LHX4: variants seen among roughly 807,000 people sequenced by gnomAD.
LHX4 encodes the protein LIM/homeobox protein Lhx4.
A neutral mutation model predicts 39.2 loss-of-function variants in LHX4; 16 were observed. That is an observed-to-expected ratio of 0.41 (90% CI 0.28 to 0.62). The LOEUF (loss-of-function observed/expected upper bound fraction) is 0.62. Ranked by LOEUF, LHX4 falls within the 20% of genes least tolerant of loss-of-function variation. The pLI is 0.33. For missense variants in LHX4, 439 were observed against 511.9 expected (o/e 0.86, Z 1.37); for synonymous variants, 206 against 198.1 (o/e 1.04, Z -0.33).
chr1:180,250,126 A>G (rs528587042), intron 2 of LHX4, among the ~76,000 whole-genome samples: 16 of 152,108 alleles, frequency 1.1e-4, no homozygotes, highest in African/African-American at 3.1e-4. Context: ...CTTTCTCACA[A>G]TCTTCCTGTT....
At position 180,250,520 on chromosome 1, in the gene LHX4, G is replaced by C. The variant is rs980875122; in HGVS notation, c.248+2064G>C. Among the ~76,000 whole-genome samples the C allele has an allele frequency of 2.0e-5, 3 of 152,144 alleles. No individual in the cohort carries two copies. The South Asian group carries it at 6.2e-4, about 32-fold the overall frequency. ...GCCTGCACCTTTGGAAAGCCAAGAG[G>C]CCACGCCTCCGCTTGCCCGTCTCGG... On this transcript the variant is annotated intron_variant, in intron 2 of 5. Transcript: ENST00000263726.
At position 180,249,366 on chromosome 1, in the gene LHX4, T is replaced by C. The variant is rs547042502; in HGVS notation, c.248+910T>C. Among the ~76,000 whole-genome samples, 6 of 152,318 alleles carry C rather than the reference T, an allele frequency of 3.9e-5. No homozygotes were observed. The South Asian group carries it at 1.0e-3, about 26-fold the overall frequency. On this transcript the variant is annotated intron_variant, in intron 2 of 5. Coordinates refer to ENST00000263726, the MANE Select transcript of LHX4 (RefSeq NM_033343.4). ...CATGGCATTTAGTCCTTGACTTCTC[T>C]CCCAGAATCTATTACCCAAGGCAGT...
chr1:180,236,927 C>T (rs1369693795), intron 1 of LHX4, among the ~76,000 whole-genome samples: 1 of 152,186 alleles, frequency 6.6e-6, no homozygotes, highest in Non-Finnish European at 1.5e-5. Context: ...AGAGGGCTGG[C>T]TGGGGTGCCG....
chr1:180,244,329 C>G (rs556785620), intron 1 of LHX4, among the ~76,000 whole-genome samples: 1 of 152,164 alleles, frequency 6.6e-6, no homozygotes, highest in East Asian at 1.9e-4. Flanking sequence ...CAGAGGGCCC[C>G]GGTTTGGTCC....
rs1389328209 is a variant in LHX4, at chr1:180,234,220, T to TATATATATAAAA, written c.76+3616_76+3617insTATATATAAAAA. Among the ~76,000 whole-genome samples the TATATATATAAAA allele has an allele frequency of 1.0e-4, 7 of 70,208 alleles. No individual in the cohort carries two copies. Among genetic ancestry groups the TATATATATAAAA allele is most frequent in the African/African-American group, 5.3e-4 (7 of 13,248 alleles). 46.1% of individuals were successfully genotyped at this position (70,208 alleles called of 152,430 possible). A position where few individuals can be genotyped will look rare whatever the true frequency, so the allele number is the denominator to read the frequency against. Reference sequence around the variant, plus strand: ...ATATATATATATATATATATATATATAATAGATTGAGATTCTATCATATTC... The same window carrying TATATATATAAAA: ...ATATATATATATATATATATATATATATATATATAAAAAATAGATTGAGATTCTATCATATTC... On this transcript the variant is annotated intron_variant, in intron 1 of 5. Transcript: ENST00000263726. This position sits in a 1 kb window ranked among gnomAD's most constrained non-coding sequence, Gnocchi z 4.8.
intron 2 of LHX4, among the ~76,000 whole-genome samples, chr1:180,249,732 C>T (rs1647525168): frequency 6.6e-6 from 1 of 152,228 alleles, no homozygotes; most frequent in Non-Finnish European, 1.5e-5. Flanking sequence ...AGGATTCTCA[C>T]ATTTCTTTAG....
intron 3 of LHX4, among the ~76,000 whole-genome samples, chr1:180,268,599 C>T (rs1224865794): frequency 1.3e-5 from 2 of 152,128 alleles, no homozygotes; most frequent in African/African-American, 2.4e-5. Context: ...GCATCTGCCA[C>T]GTAGGGCTGT....
intron 3 of LHX4, among the ~76,000 whole-genome samples, chr1:180,267,426 T>A (rs915511096): frequency 2.0e-5 from 3 of 152,256 alleles, no homozygotes; most frequent in Non-Finnish European, 4.4e-5. Context: ...CCGGGGACTT[T>A]CCAGCGTAGA....
chr1:180,229,962 G>GGGGGGC (rs1235271391), upstream of LHX4, among the ~76,000 whole-genome samples: 3 of 28,422 alleles, frequency 1.1e-4, no homozygotes, highest in Non-Finnish European at 1.8e-4. Flanking sequence ...GCGGAGGCGG[G>GGGGGGC]GAGGGGGGGG....
chr1:180,237,216 G>C (rs1334024238), intron 1 of LHX4, among the ~76,000 whole-genome samples: 4 of 43,416 alleles, frequency 9.2e-5, no homozygotes, highest in Admixed American at 3.1e-4. Flanking sequence ...TTACTCGGCG[G>C]GGGGGGCGGG....
Position 180,271,954 on chromosome 1 carries a change from G to GGAGAGC in LHX4, c.727_732dup (p.Glu243_Ser244dup), listed in dbSNP as rs775033463. 5.0e-6 allele frequency: 8 copies of GGAGAGC among 1,613,226 alleles called. No homozygotes were observed. Among genetic ancestry groups the GGAGAGC allele is most frequent in the Non-Finnish European group, 6.8e-6 (8 of 1,179,896 alleles). ...GCCGGGGCAGCAGCAAGCAGGAGAA[G>GGAGAGC]GAGAGCTCTGCAGAGGACTGTGGGG... On this transcript the variant is annotated inframe_insertion, in exon 5 of 6. Coordinates refer to ENST00000263726, the MANE Select transcript of LHX4 (RefSeq NM_033343.4).
intron 2 of LHX4, among the ~76,000 whole-genome samples, chr1:180,253,722 T>C (rs1196453833): frequency 6.6e-6 from 1 of 152,186 alleles, no homozygotes; most frequent in Non-Finnish European, 1.5e-5. Context: ...TGCTAGGTGC[T>C]TTGTAAACAC....
chr1:180,255,891 G>A (rs1647834516), intron 2 of LHX4, among the ~76,000 whole-genome samples: 1 of 152,230 alleles, frequency 6.6e-6, no homozygotes, highest in South Asian at 2.1e-4. Context: ...ATTAGTCTGG[G>A]GATCAGATGC....
chr1:180,271,777 G>A, intron 4 of LHX4, 58 bp from the exon 5 acceptor site: 1 of 1,598,244 alleles, frequency 6.3e-7, no homozygotes, highest in Non-Finnish European at 8.6e-7. Context: ...GGGGGTCCTG[G>A]GGGCTTTGGG....
chr1:180,261,461 G>A (rs1396434469), intron 2 of LHX4, among the ~76,000 whole-genome samples: 1 of 152,124 alleles, frequency 6.6e-6, no homozygotes, highest in Non-Finnish European at 1.5e-5. Context: ...GGCCAGCCTC[G>A]GCAACATAGT....
intron 2 of LHX4, among the ~76,000 whole-genome samples, chr1:180,255,939 G>C (rs558507410): frequency 1.3e-5 from 2 of 152,334 alleles, no homozygotes; most frequent in East Asian, 3.9e-4. Context: ...GTGGGATCTG[G>C]GTGACATGGG....
At chr1:180,241,955 C>T (rs1383086775) in intron 1 of LHX4, among the ~76,000 whole-genome samples, 1 of 151,738 alleles carries the variant, frequency 6.6e-6, no homozygotes, top group Non-Finnish European at 1.5e-5. Flanking sequence ...GTAGCTGGGA[C>T]TACAGGTGCA....
chr1:180,274,769 G>GGA lies in LHX4; in HGVS notation c.*194_*195dup. 1.5e-6 allele frequency: 1 copy of GGA among 657,964 alleles called. No homozygotes were observed. The highest frequency in any genetic ancestry group is 2.5e-6 in the Non-Finnish European group (1 of 396,716). The allele number at this position is 657,964 out of a possible 1,614,324, so 40.8% of individuals were successfully genotyped here. Reference sequence around the variant, plus strand: ...GCATTGTTTCCCTGGGGAAGCAGTGGGAGAGCAGACTCATCTCAGAACACA... The same window carrying GGA: ...GCATTGTTTCCCTGGGGAAGCAGTGGGAGAGAGCAGACTCATCTCAGAACACA... On this transcript the variant is annotated 3_prime_UTR_variant, in exon 6 of 6. Coordinates refer to ENST00000263726, the MANE Select transcript of LHX4 (RefSeq NM_033343.4).
rs1457901805 is a variant in LHX4, at chr1:180,274,426, C to T, written c.1020C>T (p.Ile340=). The part of the protein sequence containing the change: ...LDYTVDSNLG[I]IAHAGQGVSQ... The stretch of plus-strand genomic sequence containing the variant: ...ACACGGTGGACAGTAATTTGGGCAT[C>T]ATTGCGCATGCAGGGCAGGGAGTAA... Residue 340 remains isoleucine (I), a synonymous_variant, in exon 6 of 6, where the codon ATC becomes ATT. Coordinates refer to ENST00000263726, the MANE Select transcript of LHX4 (RefSeq NM_033343.4). 6.2e-7 allele frequency: 1 copy of T among 1,614,226 alleles called. No homozygotes were observed. Among genetic ancestry groups the T allele is most frequent in the African/African-American group, 1.3e-5 (1 of 75,068 alleles).
Sources: allele counts gnomAD v4.1 joint callset (sites outside exome capture counted in the v4.1 genomes callset), GRCh38; gene constraint gnomAD v4.1.1; non-coding constraint Gnocchi (gnomAD v3.1); transcripts MANE v1.5; gene names NCBI Gene and HGNC (gene_info 2026-07-23, HGNC 2026-07-21).